SYNDIG1: variants seen among roughly 807,000 people sequenced by gnomAD.
SYNDIG1 encodes the protein synapse differentiation inducing 1.
In SYNDIG1, 9 loss-of-function variants were observed where a neutral mutation model predicts 19.4. The observed-to-expected ratio is 0.46, with a 90% confidence interval of 0.28 to 0.81. The LOEUF (loss-of-function observed/expected upper bound fraction) is 0.81. SYNDIG1 is among the 30% of genes least tolerant of loss of function. The pLI, the probability that SYNDIG1 is intolerant of heterozygous loss-of-function variation, is 0.12. For synonymous variants in SYNDIG1, 141 were observed against 145.9 expected (o/e 0.97, Z 0.24); for missense variants, 311 against 343.3 (o/e 0.91, Z 0.74).
chr20:24,518,414 A>G (rs1381426990), intron 1 of SYNDIG1, among the ~76,000 whole-genome samples: 1 of 152,134 alleles, frequency 6.6e-6, no homozygotes, highest in Non-Finnish European at 1.5e-5. Context: ...CATGGCTCAG[A>G]AGCAGGGATC....
intron 3 of SYNDIG1, among the ~76,000 whole-genome samples, chr20:24,611,282 C>T (rs576073896): frequency 3.3e-5 from 5 of 152,228 alleles, no homozygotes; most frequent in African/African-American, 1.2e-4. Context: ...TTTTTGGAAC[C>T]GTTAGACTAT....
At chr20:24,628,062 C>T (rs2059181949) in intron 3 of SYNDIG1, among the ~76,000 whole-genome samples, 1 of 152,174 alleles carries the variant, frequency 6.6e-6, no homozygotes, top group Non-Finnish European at 1.5e-5. Flanking sequence ...CAGGATGGTC[C>T]CCCTCTAGGA....
chr20:24,470,187 G>A (rs73341652), intron 1 of SYNDIG1, among the ~76,000 whole-genome samples: 4,886 of 152,300 alleles, frequency 0.032, 250 homozygotes, highest in African/African-American at 0.11. Flanking sequence ...GGCTCTGCGG[G>A]TTCGGGCTGC....
At chr20:24,656,456 C>T (rs1198402541) in intron 3 of SYNDIG1, among the ~76,000 whole-genome samples, 2 of 152,200 alleles carry the variant, frequency 1.3e-5, no homozygotes, top group African/African-American at 2.4e-5. Context: ...CTGAGGAAAG[C>T]AGGCGTGCTG....
chr20:24,621,321 C>T lies in SYNDIG1; in HGVS notation c.618+36328C>T, dbSNP rs188941966. On this transcript the variant is annotated intron_variant, in intron 3 of 3. Transcript: ENST00000376862. ...TTTGCTACTTAAGTAAATAACTTAT[C>T]ACATCATAAGTGCATTGCACTTTGA... 3.9e-5 allele frequency among the ~76,000 whole-genome samples: 6 copies of T among 152,276 alleles called. No homozygotes were observed. The East Asian group carries it at 1.2e-3, about 29-fold the overall frequency.
chr20:24,605,216 A>G (rs191869533), intron 3 of SYNDIG1, among the ~76,000 whole-genome samples: 156 of 152,154 alleles, frequency 1.0e-3, no homozygotes, highest in African/African-American at 3.7e-3. Context: ...GCCCACATCT[A>G]CCTCCCTGGG....
chr20:24,626,971 C>G (rs917150622), intron 3 of SYNDIG1, among the ~76,000 whole-genome samples: 175 of 152,270 alleles, frequency 1.1e-3, no homozygotes, highest in Non-Finnish European at 2.0e-3. Context: ...AGGCACTCGG[C>G]AGGCTGAGGC....
chr20:24,568,539 G>A (rs1379895402), intron 2 of SYNDIG1, among the ~76,000 whole-genome samples: 1 of 152,126 alleles, frequency 6.6e-6, no homozygotes, highest in Non-Finnish European at 1.5e-5. Context: ...ATGTCTGGGG[G>A]ACCAGAAACT....
intron 1 of SYNDIG1, among the ~76,000 whole-genome samples, chr20:24,492,619 AT>A (rs943466346): frequency 6.6e-6 from 1 of 152,066 alleles, no homozygotes; most frequent in Non-Finnish European, 1.5e-5. Flanking sequence ...GGGTCCTTAG[AT>A]CCTTAGTGCA....
intron 1 of SYNDIG1, among the ~76,000 whole-genome samples, chr20:24,535,776 T>A (rs1027564715): frequency 6.6e-6 from 1 of 152,012 alleles, no homozygotes; most frequent in Admixed American, 6.6e-5. Flanking sequence ...ATGCTGTGGG[T>A]TTTGTAGTCT....
At chr20:24,493,415 T>G (rs1165385507) in intron 1 of SYNDIG1, among the ~76,000 whole-genome samples, 1 of 152,028 alleles carries the variant, frequency 6.6e-6, no homozygotes, top group Non-Finnish European at 1.5e-5. Context: ...CACACATGCT[T>G]GGCACACACA....
At chr20:24,505,086 C>T (rs1446840497) in intron 1 of SYNDIG1, among the ~76,000 whole-genome samples, 3 of 152,116 alleles carry the variant, frequency 2.0e-5, no homozygotes, top group Non-Finnish European at 2.9e-5. Context: ...TGTTCACAGA[C>T]GTGGTGGGTG....
At chr20:24,560,502 C>G (rs2057919252) in intron 2 of SYNDIG1, among the ~76,000 whole-genome samples, 1 of 151,868 alleles carries the variant, frequency 6.6e-6, no homozygotes, top group Admixed American at 6.6e-5. Flanking sequence ...ATGTTCATTT[C>G]CATCCAGTTA....
At chr20:24,493,772 C>T (rs1207310044) in intron 1 of SYNDIG1, among the ~76,000 whole-genome samples, 2 of 152,116 alleles carry the variant, frequency 1.3e-5, no homozygotes, top group African/African-American at 4.8e-5. Flanking sequence ...TTACCCCCAC[C>T]CTCAGGGGAC....
rs1226746833 is a variant in SYNDIG1 at position 24,469,735 on chromosome 20, G to C, written c.-97G>C. On this transcript the variant is annotated 5_prime_UTR_variant, in exon 1 of 4. Transcript: ENST00000376862. ...GGGCGGCCGCTTGGGCGCACTTGCCGGGTCACCTTGTCCCGGAGGTAAGTC... is the reference window on the plus strand; with the variant it reads ...GGGCGGCCGCTTGGGCGCACTTGCCCGGTCACCTTGTCCCGGAGGTAAGTC... 1 of 151,792 alleles carries C rather than the reference G, an allele frequency of 6.6e-6. No individual in the cohort carries two copies. The highest frequency in any genetic ancestry group is 2.4e-5 in the African/African-American group (1 of 41,406). 9.4% of individuals were successfully genotyped at this position (151,792 alleles called of 1,614,324 possible).
intron 3 of SYNDIG1, among the ~76,000 whole-genome samples, chr20:24,662,154 A>G (rs973004655): frequency 6.6e-6 from 1 of 151,712 alleles, no homozygotes; most frequent in African/African-American, 2.4e-5. Context: ...CCTCAGTTCT[A>G]ACGGTGACAA....
intron 1 of SYNDIG1, among the ~76,000 whole-genome samples, chr20:24,507,725 G>GCTAGGC (rs2056630188): frequency 1.3e-5 from 2 of 152,336 alleles, no homozygotes; most frequent in South Asian, 2.1e-4. Context: ...AGGCATCTGA[G>GCTAGGC]CTAGGCCGAG....
chr20:24,551,293 T>C (rs919896587), intron 2 of SYNDIG1, among the ~76,000 whole-genome samples: 3 of 152,220 alleles, frequency 2.0e-5, no homozygotes, highest in African/African-American at 7.2e-5. Flanking sequence ...TTCATCATAT[T>C]CCATTTAAAT....
chr20:24,520,797 T>C (rs2146538778), intron 1 of SYNDIG1, among the ~76,000 whole-genome samples: 1 of 152,346 alleles, frequency 6.6e-6, no homozygotes, highest in Non-Finnish European at 1.5e-5. Flanking sequence ...CTTATTTTTT[T>C]GAGAAAAGTC....
Sources: allele counts gnomAD v4.1 joint callset (sites outside exome capture counted in the v4.1 genomes callset), GRCh38; gene constraint gnomAD v4.1.1; transcripts MANE v1.5; gene names NCBI Gene and HGNC (gene_info 2026-07-23, HGNC 2026-07-21).